Variants in CEACAM5 observed in about 807,000 individuals in gnomAD.
CEACAM5 encodes CEA cell adhesion molecule 5.
Under a neutral mutation model 63.0 loss-of-function variants are expected in CEACAM5, and 52 were observed. The ratio of observed to expected loss-of-function variants is 0.83; its 90% CI spans 0.66 to 1.04. The LOEUF is 1.04. CEACAM5 is among the 50% of genes least tolerant of loss of function. The pLI is 0.00. For missense variants in CEACAM5, 790 were observed against 864.8 expected (o/e 0.91, Z 1.08); for synonymous variants, 357 against 351.3 (o/e 1.02, Z -0.18).
At chr19:41,713,405 T>A (rs1418100329) in intron 2 of CEACAM5, among the ~76,000 whole-genome samples, 1 of 152,216 alleles carries the variant, frequency 6.6e-6, no homozygotes, top group Non-Finnish European at 1.5e-5. Context: ...GGTAAGTATA[T>A]TGCAAATATT....
Position 41,715,023 on chromosome 19 carries a change from C to T in CEACAM5, c.477C>T (p.Asp159=), listed in dbSNP as rs1324226061. ...ISSNNSKPVE[D]KDAVAFTCEP... ...GCAACAACTCCAAACCCGTGGAGGA[C>T]AAGGATGCTGTGGCCTTCACCTGTG... Residue 159 remains aspartate, a synonymous_variant, in exon 3 of 10, where the codon GAC becomes GAT. Coordinates refer to ENST00000221992, the MANE Select transcript of CEACAM5 (RefSeq NM_004363.6). The T allele has an allele frequency of 6.2e-7, 1 of 1,614,040 alleles. No individual in the cohort carries two copies. The highest frequency in any genetic ancestry group is 1.7e-5 in the Admixed American group (1 of 59,996).
rs782643301 is a variant in CEACAM5 at position 41,721,174 on chromosome 19, C to T, written c.2024C>T (p.Ser675Phe). The change falls in exon 8 of 10, where the codon TCT (serine) becomes TTT (phenylalanine). Residue 675 changes from serine (S) to phenylalanine (F), a missense_variant and splice_region_variant. Coordinates refer to ENST00000221992, the MANE Select transcript of CEACAM5 (RefSeq NM_004363.6). ...NNSIVKSITV[S>F]ASGTSPGLSA... is the part of the protein sequence containing the mutation. ...TCCATAGTCAAGAGCATCACAGTCTCTGGTAAGTGGCTCCCTGGAGCATCA... is the reference window on the plus strand; with the variant it reads ...TCCATAGTCAAGAGCATCACAGTCTTTGGTAAGTGGCTCCCTGGAGCATCA... 5 of 1,614,020 alleles carry T rather than the reference C, an allele frequency of 3.1e-6. No individual in the cohort carries two copies. The highest frequency in any genetic ancestry group is 4.2e-6 in the Non-Finnish European group (5 of 1,179,990).
At chr19:41,717,931 A>G (rs1199539126) in intron 5 of CEACAM5, among the ~76,000 whole-genome samples, 197 bp from the exon 6 acceptor site, 1 of 152,168 alleles carries the variant, frequency 6.6e-6, no homozygotes, top group Non-Finnish European at 1.5e-5. Context: ...CCTGTCCTGT[A>G]ACACTCGGGA....
intron 1 of CEACAM5, among the ~76,000 whole-genome samples, chr19:41,709,404 G>C (rs2072395192): frequency 6.6e-6 from 1 of 152,190 alleles, no homozygotes; most frequent in Admixed American, 6.5e-5. Context: ...AGAATGCCCT[G>C]ATGTGAGCAG....
rs781871350 is a variant in CEACAM5 at position 41,715,051 on chromosome 19, C to T, written c.505C>T (p.Pro169Ser). 3.7e-6 allele frequency: 6 copies of T among 1,614,100 alleles called. No individual in the cohort carries two copies. Among genetic ancestry groups the T allele is most frequent in the East Asian group, 2.2e-5 (1 of 44,898 alleles). Residue 169 changes from proline to serine, a missense_variant, in exon 3 of 10, where the codon CCT (proline) becomes TCT (serine). Coordinates refer to ENST00000221992, the MANE Select transcript of CEACAM5 (RefSeq NM_004363.6). ...DKDAVAFTCE[P>S]ETQDATYLWW... is the part of the protein sequence containing the mutation. ...GGATGCTGTGGCCTTCACCTGTGAA[C>T]CTGAGACTCAGGACGCAACCTACCT...
intron 9 of CEACAM5, 64 bp downstream of exon 9, chr19:41,727,416 G>T: frequency 1.2e-6 from 1 of 846,554 alleles, no homozygotes; most frequent in Non-Finnish European, 1.9e-6. Context: ...GCTTGGGAGA[G>T]GGAAGGGATT....
intron 6 of CEACAM5, 98 bp downstream of exon 6, chr19:41,718,480 T>G: frequency 7.7e-7 from 1 of 1,300,016 alleles, no homozygotes; most frequent in South Asian, 1.3e-5. Context: ...CTAGTATGCA[T>G]CCAATGGGCA....
At chr19:41,716,446 A>C (rs1325300491) in intron 4 of CEACAM5, among the ~76,000 whole-genome samples, 1 of 152,188 alleles carries the variant, frequency 6.6e-6, no homozygotes, top group Admixed American at 6.5e-5. Flanking sequence ...GTGTGTGGAG[A>C]AGGAGCCCGG....
chr19:41,713,120 C>G (rs1475033096), intron 2 of CEACAM5, among the ~76,000 whole-genome samples: 3 of 152,146 alleles, frequency 2.0e-5, no homozygotes, highest in Non-Finnish European at 4.4e-5. Context: ...TCCTGGCCAA[C>G]ATGGTGAAAC....
intron 1 of CEACAM5, among the ~76,000 whole-genome samples, chr19:41,709,230 C>T (rs1288923101): frequency 2.0e-5 from 3 of 152,186 alleles, no homozygotes; most frequent in South Asian, 2.1e-4. Flanking sequence ...CAAATCCCTG[C>T]CCTCATGAAG....
chr19:41,713,656 A>G (rs782199007), intron 2 of CEACAM5, among the ~76,000 whole-genome samples: 4 of 152,198 alleles, frequency 2.6e-5, no homozygotes, highest in African/African-American at 7.2e-5. Flanking sequence ...GGGACTTCAT[A>G]TAAGTGGAAT....
rs1555816170 is a variant in CEACAM5 at position 41,721,110 on chromosome 19, G to A, written c.1960G>A (p.Ala654Thr). ...CACGCCAAATAATAACGGGACCTAT[G>A]CCTGTTTTGTCTCTAACTTGGCTAC... is the stretch of plus-strand genomic sequence containing the variant. ...KITPNNNGTY[A>T]CFVSNLATGR... Residue 654 changes from alanine to threonine, a missense_variant, in exon 8 of 10, where the codon GCC becomes ACC. Ala to Thr is a moderately conservative substitution (Grantham distance 58). Coordinates refer to ENST00000221992, the MANE Select transcript of CEACAM5 (RefSeq NM_004363.6). The A allele has an allele frequency of 6.2e-7, 1 of 1,614,178 alleles. No homozygotes were observed. Among genetic ancestry groups the A allele is most frequent in the Non-Finnish European group, 8.5e-7 (1 of 1,180,034 alleles).
rs147444888 is a variant in CEACAM5 at position 41,730,192 on chromosome 19, G to C, written c.*1045G>C. 1.3e-5 allele frequency among the ~76,000 whole-genome samples: 2 copies of C among 152,138 alleles called. No individual in the cohort carries two copies. The highest frequency in any genetic ancestry group is 3.9e-4 in the East Asian group (2 of 5,172). On this transcript the variant is annotated 3_prime_UTR_variant, in exon 10 of 10. Coordinates refer to ENST00000221992, the MANE Select transcript of CEACAM5 (RefSeq NM_004363.6). ...TCCCAGCACTTTGATCCGCCGAGGC[G>C]GGCGGATCACGAGGTCAGGAGATCC...
chr19:41,716,004 C>A, intron 4 of CEACAM5, 100 bp downstream of exon 4: 1 of 1,377,038 alleles, frequency 7.3e-7, no homozygotes, highest in Non-Finnish European at 1.0e-6. Flanking sequence ...AGCCTGTGTC[C>A]AGTGGGCACA....
intron 2 of CEACAM5, 116 bp from the exon 3 acceptor site, chr19:41,714,855 G>A (rs1028641483): frequency 2.6e-6 from 4 of 1,546,638 alleles, no homozygotes; most frequent in Admixed American, 1.9e-5. Flanking sequence ...CACCCACCGT[G>A]GGTTTTTAAG....
At chr19:41,713,662 G>A (rs2072472349) in intron 2 of CEACAM5, among the ~76,000 whole-genome samples, 2 of 152,144 alleles carry the variant, frequency 1.3e-5, no homozygotes, top group African/African-American at 4.8e-5. Context: ...TCATATAAGT[G>A]GAATCCTACA....
Position 41,718,382 on chromosome 19 carries a change from G to T in CEACAM5, c.1492G>T (p.Ala498Ser). ...RTTVKTITVSAELPKPSISSN... is the reference protein window; with the variant it reads ...RTTVKTITVSSELPKPSISSN... ...TACAGTCAAGACAATCACAGTCTCT[G>T]GTAAGTGGATCCCTGGACCGTTAGC... The change falls in exon 6 of 10, where the codon GCG becomes TCG. Residue 498 changes from alanine (A) to serine (S), a missense_variant and splice_region_variant. Ala to Ser is a moderately conservative substitution (Grantham distance 99, BLOSUM62 1). Coordinates refer to ENST00000221992, the MANE Select transcript of CEACAM5 (RefSeq NM_004363.6). 6.2e-7 allele frequency: 1 copy of T among 1,614,022 alleles called. No homozygotes were observed. The highest frequency in any genetic ancestry group is 8.5e-7 in the Non-Finnish European group (1 of 1,179,890).
In CEACAM5 at chr19:41,717,595, C is replaced by T. The variant is rs1337664472; in HGVS notation, c.1099C>T (p.Pro367Ser). Residue 367 changes from proline (P) to serine (S), a missense_variant, in exon 5 of 10, where the codon CCC becomes TCC. Coordinates refer to ENST00000221992, the MANE Select transcript of CEACAM5 (RefSeq NM_004363.6). ...WVNNQSLPVS[P>S]RLQLSNDNRT... is the part of the protein sequence containing the mutation. Reference sequence around the variant, plus strand: ...AAATAATCAGAGCCTCCCGGTCAGTCCCAGGCTGCAGCTGTCCAATGACAA... The same window carrying T: ...AAATAATCAGAGCCTCCCGGTCAGTTCCAGGCTGCAGCTGTCCAATGACAA... 1 of 1,614,106 alleles carries T rather than the reference C, an allele frequency of 6.2e-7. No homozygotes were observed. Among genetic ancestry groups the T allele is most frequent in the Admixed American group, 1.7e-5 (1 of 60,004 alleles).
At chr19:41,724,769 T>C (rs1268563840) in intron 8 of CEACAM5, among the ~76,000 whole-genome samples, 2 of 152,244 alleles carry the variant, frequency 1.3e-5, no homozygotes, top group Non-Finnish European at 2.9e-5. Flanking sequence ...TTTTAGATTG[T>C]TCATTGTTAG....
Sources: allele counts gnomAD v4.1 joint callset (sites outside exome capture counted in the v4.1 genomes callset), GRCh38; gene constraint gnomAD v4.1.1; transcripts MANE v1.5; gene names NCBI Gene and HGNC (gene_info 2026-07-23, HGNC 2026-07-21).